Variants in SOX5 observed in about 807,000 individuals in gnomAD.
SOX5 encodes transcription factor SOX-5.
In SOX5, 9 loss-of-function variants were observed where a neutral mutation model predicts 92.0. That is an observed-to-expected ratio of 0.10 (90% CI 0.06 to 0.17). The LOEUF is 0.17. SOX5 is among the 10% of genes least tolerant of loss of function. The probability of loss-of-function intolerance (pLI) is 1.00; values close to 1 mark genes in which losing one functional copy is unlikely to be tolerated. For synonymous variants in SOX5, 344 were observed against 336.3 expected (o/e 1.02, Z -0.25); for missense variants, 642 against 944.5 (o/e 0.68, Z 4.20).
chr12:24,065,673 AAAAAAGAAAAAG>A (rs913879241), intron 4 of SOX5, among the ~76,000 whole-genome samples: 4 of 151,304 alleles, frequency 2.6e-5, no homozygotes, highest in African/African-American at 9.7e-5. Flanking sequence ...AAAAGAAAAG[AAAAAAGAAAAAG>A]AAAAAGAAAT....
intron 3 of SOX5, among the ~76,000 whole-genome samples, chr12:23,841,505 A>G (rs557136561): frequency 6.6e-6 from 1 of 152,236 alleles, no homozygotes; most frequent in East Asian, 1.9e-4. Context: ...GAGTATTAAT[A>G]GAAGCTTTAT....
chr12:24,460,506 G>C (rs1465894760), intron 1 of SOX5: 2 of 152,172 alleles, frequency 1.3e-5, no homozygotes, highest in African/African-American at 4.8e-5. Flanking sequence ...GAATAAACTT[G>C]AAGTAAGTGA....
chr12:23,969,035 T>C (rs139149037), intron 4 of SOX5, among the ~76,000 whole-genome samples: 287 of 152,330 alleles, frequency 1.9e-3, no homozygotes, highest in African/African-American at 6.5e-3. Context: ...TCATCACCTC[T>C]CTACCTTTGA....
intron 2 of SOX5, among the ~76,000 whole-genome samples, chr12:24,353,473 TA>T (rs1316094357): frequency 2.6e-5 from 4 of 152,120 alleles, no homozygotes; most frequent in Non-Finnish European, 1.5e-5. Flanking sequence ...AGTTTGAAGC[TA>T]GGAGTTCAGA....
At chr12:24,307,773 A>AAGGAAGGAAGGAAGGAAGGG (rs1476312913) in intron 2 of SOX5, among the ~76,000 whole-genome samples, 1 of 144,916 alleles carries the variant, frequency 6.9e-6, no homozygotes, top group East Asian at 2.2e-4. Flanking sequence ...GGAAGGAAGG[A>AAGGAAGGAAGGAAGGAAGGG]AGGAAGGAAG....
intron 1 of SOX5, among the ~76,000 whole-genome samples, chr12:24,517,644 C>T (rs898495281): frequency 1.6e-4 from 24 of 151,602 alleles, no homozygotes; most frequent in Non-Finnish European, 7.4e-5. Context: ...CCTGACCAAA[C>T]ATGTTATCTA....
At chr12:24,179,991 A>G (rs1955297456) in intron 4 of SOX5, among the ~76,000 whole-genome samples, 1 of 151,280 alleles carries the variant, frequency 6.6e-6, no homozygotes. Flanking sequence ...TCCATTGCCC[A>G]GGTTATGCAG....
In SOX5 at chr12:24,360,582, C is replaced by G. The variant is rs1955431568; in HGVS notation, c.-174+7981G>C. 1.3e-5 allele frequency among the ~76,000 whole-genome samples: 2 copies of G among 152,118 alleles called. 1 individual carries two copies. Among genetic ancestry groups the G allele is most frequent in the Admixed American group, 1.3e-4 (2 of 15,258 alleles). ...AAGCTAATCTTATTATTAGTTTAAG[C>G]AAATATTCTGACCTATGCAGCCTCG... On this transcript the variant is annotated intron_variant, in intron 2 of 4. Coordinates refer to the SOX5 transcript ENST00000446891.
chr12:23,991,490 A>G (rs1270437537), intron 4 of SOX5, among the ~76,000 whole-genome samples: 1 of 152,044 alleles, frequency 6.6e-6, no homozygotes, highest in Non-Finnish European at 1.5e-5. Context: ...TAGATTTTCC[A>G]AAAATGAATT....
chr12:24,035,078 T>G (rs16927010), intron 4 of SOX5, among the ~76,000 whole-genome samples: 7,106 of 152,178 alleles, frequency 0.047, 158 homozygotes, highest in East Asian at 0.066. Flanking sequence ...TGCAATGCTT[T>G]TTTCTGTACC....
At chr12:23,993,892 T>C (rs538517912) in intron 4 of SOX5, among the ~76,000 whole-genome samples, 2,673 of 151,222 alleles carry the variant, frequency 0.018, 33 homozygotes, top group Non-Finnish European at 0.028. Flanking sequence ...TGTATGTATG[T>C]ATGTATGTAT....
chr12:24,004,456 T>C (rs904471298), intron 4 of SOX5, among the ~76,000 whole-genome samples: 2 of 152,030 alleles, frequency 1.3e-5, no homozygotes, highest in Non-Finnish European at 2.9e-5. Context: ...TCACTAGAGA[T>C]ATGAACAGAC....
chr12:24,431,412 T>C (rs990350840), intron 1 of SOX5, among the ~76,000 whole-genome samples: 11 of 152,184 alleles, frequency 7.2e-5, no homozygotes, highest in Admixed American at 6.5e-4. Flanking sequence ...AATCAATACA[T>C]AAAAATTGCA....
At chr12:24,063,347 T>C (rs573282077) in intron 4 of SOX5, among the ~76,000 whole-genome samples, 3 of 152,208 alleles carry the variant, frequency 2.0e-5, no homozygotes, top group African/African-American at 7.2e-5. Context: ...AATGAACAGA[T>C]AGACAACAAT....
intron 1 of SOX5, among the ~76,000 whole-genome samples, chr12:24,412,926 T>G (rs1157699206): frequency 1.3e-5 from 2 of 152,046 alleles, no homozygotes; most frequent in Admixed American, 1.3e-4. Context: ...CGGCTAATTT[T>G]TTGTATTTTT....
chr12:23,750,879 T>A (rs888625691), intron 4 of SOX5, among the ~76,000 whole-genome samples: 2 of 151,912 alleles, frequency 1.3e-5, no homozygotes, highest in Admixed American at 6.6e-5. Flanking sequence ...GATCACTAGC[T>A]GTATTTACAC....
intron 1 of SOX5, among the ~76,000 whole-genome samples, chr12:23,897,937 A>G (rs2097193903): frequency 6.6e-6 from 1 of 152,192 alleles, no homozygotes; most frequent in African/African-American, 2.4e-5. Flanking sequence ...AACAAGGCCT[A>G]TTCCAAGTAT....
At chr12:23,866,210 T>C (rs983512018) in intron 2 of SOX5, among the ~76,000 whole-genome samples, 3 of 152,190 alleles carry the variant, frequency 2.0e-5, no homozygotes, top group Non-Finnish European at 2.9e-5. Flanking sequence ...ATAATAGCTA[T>C]ACACACATAT....
intron 4 of SOX5, among the ~76,000 whole-genome samples, chr12:24,055,946 C>T (rs1958054986): frequency 6.6e-6 from 1 of 152,136 alleles, no homozygotes; most frequent in African/African-American, 2.4e-5. Context: ...AGACTGGCCT[C>T]TGGGAAATAG....
Sources: allele counts gnomAD v4.1 joint callset (sites outside exome capture counted in the v4.1 genomes callset), GRCh38; gene constraint gnomAD v4.1.1; transcripts MANE v1.5; gene names NCBI Gene and HGNC (gene_info 2026-07-23, HGNC 2026-07-21).